CDH8: variants seen among roughly 807,000 people sequenced by gnomAD.
CDH8 encodes cadherin 8.
CDH8 carries 17 observed loss-of-function variants against 68.1 expected under a neutral mutation model. The observed-to-expected ratio is 0.25, with a 90% CI of 0.17 to 0.37. CDH8 has a LOEUF of 0.37. Among genes scored for constraint, CDH8 ranks in the 10% least tolerant of loss-of-function variants. The pLI, the probability that CDH8 is intolerant of heterozygous loss-of-function variation, is 1.00. For synonymous variants in CDH8, 372 were observed against 365.1 expected, an observed-to-expected ratio of 1.02 and a Z score of -0.21; for missense variants, 763 against 999.3, an observed-to-expected ratio of 0.76 and a Z score of 3.19.
chr16:61,770,226 A>C (rs1333741081), intron 8 of CDH8, among the ~76,000 whole-genome samples: 2 of 151,946 alleles, frequency 1.3e-5, no homozygotes, highest in African/African-American at 4.8e-5. Context: ...CTTGGGATTA[A>C]GTAGCATCTT....
intron 7 of CDH8, among the ~76,000 whole-genome samples, chr16:61,799,315 A>G (rs1961566569): frequency 6.6e-6 from 1 of 152,210 alleles, no homozygotes; most frequent in Non-Finnish European, 1.5e-5. Context: ...GAAGTATAAA[A>G]AAAGCATCTT....
chr16:61,752,025 A>G (rs1960181056), intron 8 of CDH8, among the ~76,000 whole-genome samples: 1 of 152,108 alleles, frequency 6.6e-6, no homozygotes, highest in Non-Finnish European at 1.5e-5. Context: ...TGTTAAGGAG[A>G]TATCAGTTTA....
intron 8 of CDH8, among the ~76,000 whole-genome samples, chr16:61,784,307 CTT>C (rs1961172453): frequency 6.6e-6 from 1 of 150,934 alleles, no homozygotes; most frequent in Non-Finnish European, 1.5e-5. Flanking sequence ...ATAAAACAGA[CTT>C]TAAACCAACA....
At chr16:61,876,567 T>A (rs1255684584) in intron 3 of CDH8, among the ~76,000 whole-genome samples, 1 of 152,156 alleles carries the variant, frequency 6.6e-6, no homozygotes. Context: ...CTTTAATCCA[T>A]TATCAGGAAG....
At chr16:62,028,739 TA>T (rs35795463) in intron 1 of CDH8, among the ~76,000 whole-genome samples, 72,722 of 145,444 alleles carry the variant, frequency 0.5, 18,583 homozygotes, top group African/African-American at 0.66. Flanking sequence ...AAGATCATCC[TA>T]AAAAAAAAAA....
intron 1 of CDH8, among the ~76,000 whole-genome samples, chr16:62,032,875 C>T (rs1902360785): frequency 1.3e-5 from 2 of 152,106 alleles, no homozygotes; most frequent in South Asian, 4.1e-4. Context: ...TTCTTTAAAG[C>T]ATTAATTTAC....
At position 61,974,435 on chromosome 16, in the gene CDH8, T is replaced by C. The variant is rs912792810; in HGVS notation, c.252+46717A>G. On this transcript the variant is annotated intron_variant, in intron 2 of 11. Coordinates refer to ENST00000577390, the MANE Select transcript of CDH8 (RefSeq NM_001796.5). Reference sequence around the variant, plus strand: ...GCAGGGTGCAGCTGGCTCACATAAATGAGGCACTAATGTAAGCAGGGATGC... The same window carrying C: ...GCAGGGTGCAGCTGGCTCACATAAACGAGGCACTAATGTAAGCAGGGATGC... Among the ~76,000 whole-genome samples the C allele has an allele frequency of 2.6e-5, 4 of 152,280 alleles. No individual in the cohort carries two copies. In the East Asian group the frequency reaches 7.7e-4, roughly 29 times the overall value.
Position 61,970,836 on chromosome 16 carries a change from C to T in CDH8, c.252+50316G>A, listed in dbSNP as rs148313930. ...GCCATCGCATCCCCTATGACTTGCA[C>T]GTATACATCCAGATGGCCTAAAGTA... is the stretch of plus-strand genomic sequence containing the variant. On this transcript the variant is annotated intron_variant, in intron 2 of 11. Transcript: ENST00000577390. 3.5e-3 allele frequency among the ~76,000 whole-genome samples: 527 copies of T among 152,286 alleles called. 2 individuals are homozygous for T. In the Middle Eastern group the frequency reaches 0.037, roughly 11 times the overall value.
At chr16:61,920,053 T>G (rs1485827933) in intron 2 of CDH8, among the ~76,000 whole-genome samples, 1 of 150,048 alleles carries the variant, frequency 6.7e-6, no homozygotes, top group African/African-American at 2.5e-5. Flanking sequence ...TAGCCATATG[T>G]AGAAAGCTGA....
chr16:61,972,083 T>C (rs963616157), intron 2 of CDH8, among the ~76,000 whole-genome samples: 21 of 152,114 alleles, frequency 1.4e-4, no homozygotes, highest in Non-Finnish European at 2.9e-4. Context: ...AATTGAATCA[T>C]GGGGGCAGTT....
intron 8 of CDH8, among the ~76,000 whole-genome samples, chr16:61,750,645 T>C (rs1460770340): frequency 6.6e-6 from 1 of 152,128 alleles, no homozygotes; most frequent in African/African-American, 2.4e-5. Context: ...CCAACTAAAT[T>C]ATTAATCTTT....
rs145996971 is a variant in CDH8, at chr16:62,030,911, C to T, written c.-200+5169G>A. 6.0e-3 allele frequency among the ~76,000 whole-genome samples: 906 copies of T among 152,106 alleles called. 5 individuals carry two copies. Among genetic ancestry groups the T allele is most frequent in the Middle Eastern group, 0.014 (4 of 294 alleles). On this transcript the variant is annotated intron_variant, in intron 1 of 11. Transcript: ENST00000577390. ...GAGTATGGAATTGTCTTTGAAAACA[C>T]CCATAGTTGCAATTCACATGAGGGT... is the stretch of plus-strand genomic sequence containing the variant.
At chr16:61,778,707 C>A (rs569643258) in intron 8 of CDH8, among the ~76,000 whole-genome samples, 1 of 152,214 alleles carries the variant, frequency 6.6e-6, no homozygotes, top group Admixed American at 6.5e-5. Flanking sequence ...AAAGAGTAAT[C>A]ATTTCCGTTC....
chr16:61,959,123 CA>C (rs1597090277), intron 2 of CDH8, among the ~76,000 whole-genome samples: 2 of 152,164 alleles, frequency 1.3e-5, no homozygotes, highest in East Asian at 3.9e-4. Flanking sequence ...CCTTCTCCCC[CA>C]TCTCCATCTC....
At chr16:61,729,746 T>G (rs1449488180) in intron 8 of CDH8, among the ~76,000 whole-genome samples, 4 of 151,494 alleles carry the variant, frequency 2.6e-5, no homozygotes, top group African/African-American at 9.6e-5. Flanking sequence ...TAATAAATAG[T>G]GATTAGCACA....
intron 2 of CDH8, among the ~76,000 whole-genome samples, chr16:61,981,679 T>TGC (rs911560498): frequency 3.4e-5 from 5 of 148,140 alleles, no homozygotes; most frequent in African/African-American, 7.7e-5. Context: ...TGTGTGTGTG[T>TGC]GTGCGCGCGC....
intron 4 of CDH8, among the ~76,000 whole-genome samples, chr16:61,832,210 A>G (rs1962469545): frequency 6.6e-6 from 1 of 151,790 alleles, no homozygotes. Context: ...ACTTAGATAA[A>G]CACATTAGAA....
chr16:61,652,406 G>A lies in CDH8; in HGVS notation c.*1202C>T, dbSNP rs1019178694. 1.0e-5 allele frequency: 10 copies of A among 984,950 alleles called. No individual in the cohort carries two copies. Among genetic ancestry groups the A allele is most frequent in the Middle Eastern group, 5.2e-4 (1 of 1,936 alleles). The allele number at this position is 984,950 out of a possible 1,614,324, so 61.0% of individuals were successfully genotyped here. Reference sequence around the variant, plus strand: ...AAAGTCTAGAGTTTAAATATTCACAGGAATCAATATACTTTAGGATGTTTG... The same window carrying A: ...AAAGTCTAGAGTTTAAATATTCACAAGAATCAATATACTTTAGGATGTTTG... On this transcript the variant is annotated 3_prime_UTR_variant, in exon 12 of 12. Coordinates refer to ENST00000577390, the MANE Select transcript of CDH8 (RefSeq NM_001796.5).
chr16:61,988,866 A>G (rs1965670589), intron 2 of CDH8, among the ~76,000 whole-genome samples: 1 of 152,196 alleles, frequency 6.6e-6, no homozygotes, highest in Admixed American at 6.5e-5. Flanking sequence ...TAGGCTAAGC[A>G]GGAACATAAA....
Sources: allele counts gnomAD v4.1 joint callset (sites outside exome capture counted in the v4.1 genomes callset), GRCh38; gene constraint gnomAD v4.1.1; transcripts MANE v1.5; gene names NCBI Gene and HGNC (gene_info 2026-07-23, HGNC 2026-07-21).